The following SMG7 variants were observed in gnomAD, a reference collection of about 807,000 sequenced individuals.
SMG7 encodes the protein nonsense-mediated mRNA decay factor SMG7.
SMG7 carries 34 observed loss-of-function variants against 148.2 expected under a neutral mutation model. That is an observed-to-expected ratio of 0.23 (90% CI 0.17 to 0.31). The LOEUF (loss-of-function observed/expected upper bound fraction) is 0.31. SMG7 is among the 10% of genes least tolerant of loss of function. SMG7 has a pLI of 1.00. For synonymous variants in SMG7, 492 were observed against 515.1 expected, an observed-to-expected ratio of 0.96 and a Z score of 0.61; for missense variants, 1,114 against 1,408.4, an observed-to-expected ratio of 0.79 and a Z score of 3.35.
chr1:183,482,278 A>G (rs1654339436), intron 1 of SMG7, among the ~76,000 whole-genome samples: 1 of 151,742 alleles, frequency 6.6e-6, no homozygotes, highest in African/African-American at 2.4e-5. Flanking sequence ...ATCTTAAGGG[A>G]GCAGTTTATA....
At chr1:183,542,593 C>T (rs981067853) in intron 14 of SMG7, 91 bp downstream of exon 14, 43 of 1,094,246 alleles carry the variant, frequency 3.9e-5, no homozygotes, top group Middle Eastern at 2.0e-4. Context: ...GAGAATTGGC[C>T]GTCCTGGAAG....
chr1:183,517,974 T>C (rs558421133), intron 4 of SMG7, among the ~76,000 whole-genome samples, 154 bp downstream of exon 4: 15 of 152,202 alleles, frequency 9.9e-5, no homozygotes, highest in East Asian at 9.7e-4. Context: ...GGCGACAGAG[T>C]CTGACTTTGT....
At chr1:183,473,206 T>C (rs917142158) in intron 1 of SMG7, among the ~76,000 whole-genome samples, 4 of 151,634 alleles carry the variant, frequency 2.6e-5, no homozygotes, top group Admixed American at 2.0e-4. Context: ...AATAATGTCA[T>C]CTGTAGTTAG....
At chr1:183,551,761 C>T (rs1671098898) in intron 22 of SMG7, 57 bp from the exon 23 acceptor site, 3 of 1,359,312 alleles carry the variant, frequency 2.2e-6, no homozygotes, top group Non-Finnish European at 3.0e-6. Context: ...ATTGAAAAAT[C>T]CCTTTCAGAC....
At chr1:183,534,211 A>G (rs776800412) in intron 10 of SMG7, among the ~76,000 whole-genome samples, 9 of 152,134 alleles carry the variant, frequency 5.9e-5, no homozygotes, top group Non-Finnish European at 8.8e-5. Flanking sequence ...TTTTCTGTAC[A>G]TGAACTGTTT....
At position 183,547,247 on chromosome 1, in the gene SMG7, C is replaced by T; in HGVS notation, c.2887C>T (p.Leu963Phe). The part of the protein sequence containing the change: ...GPLASLPGRS[L>F]FKSLLEKPSE... ...TCTCGCCTCTCTTCCTGGACGAAGC[C>T]TTTTTGTATGTATTTGACATAATTC... is the stretch of plus-strand genomic sequence containing the variant. The change falls in exon 18 of 23, where the codon CTT becomes TTT. Residue 963 changes from leucine to phenylalanine, a missense_variant. This residue lies in a region of SMG7 where 788 missense variants were observed against 894.5 expected (regional missense o/e 0.88). Transcript: ENST00000688051. 1.9e-6 allele frequency: 3 copies of T among 1,549,568 alleles called. No homozygotes were observed. The highest frequency in any genetic ancestry group is 2.7e-5 in the African/African-American group (2 of 73,080).
intron 1 of SMG7, among the ~76,000 whole-genome samples, chr1:183,493,017 A>G (rs1229451080): frequency 2.6e-5 from 4 of 152,064 alleles, no homozygotes; most frequent in Admixed American, 1.3e-4. Context: ...TTGCCTAGGT[A>G]TTGTGCAGTG....
At chr1:183,524,978 A>G (rs931631496) in intron 4 of SMG7, among the ~76,000 whole-genome samples, 4 of 152,126 alleles carry the variant, frequency 2.6e-5, no homozygotes, top group African/African-American at 7.2e-5. Flanking sequence ...TGAAGGAAAC[A>G]TATTTTCTTA....
chr1:183,512,412 C>G (rs977542314), intron 1 of SMG7, among the ~76,000 whole-genome samples: 2 of 152,010 alleles, frequency 1.3e-5, no homozygotes, highest in African/African-American at 4.8e-5. Context: ...GAGGAAGGGA[C>G]ATAGGAATCA....
chr1:183,545,257 C>A lies in SMG7; in HGVS notation c.2315C>A (p.Thr772Lys), dbSNP rs1264075784. The change falls in exon 16 of 23, where the codon ACA (threonine) becomes AAA (lysine). Residue 772 changes from threonine (T) to lysine (K), a missense_variant. Transcript: ENST00000688051. ...QALTQQQQSP[T>K]KAVPALGKSP... ...CTAACTCAGCAACAACAATCCCCTA[C>A]AAAAGCTGTGCCGGCTTTGGGGAAA... 6.2e-7 allele frequency: 1 copy of A among 1,613,684 alleles called. No individual in the cohort carries two copies. Among genetic ancestry groups the A allele is most frequent in the East Asian group, 2.2e-5 (1 of 44,874 alleles).
At chr1:183,535,820 T>C (rs1265752019) in intron 10 of SMG7, among the ~76,000 whole-genome samples, 2 of 152,172 alleles carry the variant, frequency 1.3e-5, no homozygotes, top group Non-Finnish European at 2.9e-5. Context: ...CGAGAGCTTA[T>C]GTGTGTTGCA....
intron 2 of SMG7, among the ~76,000 whole-genome samples, chr1:183,513,743 A>G (rs1388848837): frequency 6.6e-6 from 1 of 151,868 alleles, no homozygotes; most frequent in Non-Finnish European, 1.5e-5. Context: ...GAAAGGAGTA[A>G]ATGAGGCATG....
chr1:183,479,567 G>A (rs369489939), intron 1 of SMG7, among the ~76,000 whole-genome samples: 15 of 152,172 alleles, frequency 9.9e-5, no homozygotes, highest in African/African-American at 3.1e-4. Flanking sequence ...TTTCTTTTAG[G>A]TAGTAATAGG....
intron 14 of SMG7, among the ~76,000 whole-genome samples, chr1:183,542,950 T>TGCGTGTGTGTGTGTGTGTGTGTGTGC (rs1247944648): frequency 6.7e-6 from 1 of 149,170 alleles, no homozygotes; most frequent in South Asian, 2.1e-4. Context: ...TGTGTGTGTG[T>TGCGTGTGTGTGTGTGTGTGTGTGTGC]GTGTGTGTGT....
In SMG7 at chr1:183,552,980, C is replaced by T. The variant is rs1447740962; in HGVS notation, c.*1049C>T. ...TGCAACATCACATCTCCCCAAGAAG[C>T]AACAGCATGGGGTCCAGCAGTTGGG... On this transcript the variant is annotated 3_prime_UTR_variant, in exon 23 of 23. Transcript: ENST00000688051. 1.3e-6 allele frequency: 2 copies of T among 1,536,174 alleles called. No individual in the cohort carries two copies. Among genetic ancestry groups the T allele is most frequent in the Admixed American group, 2.0e-5 (1 of 50,990 alleles).
intron 1 of SMG7, 39 bp downstream of exon 1, chr1:183,472,688 GCC>G (rs1450919348): frequency 4.1e-6 from 6 of 1,453,112 alleles, no homozygotes; most frequent in Non-Finnish European, 5.5e-6. Flanking sequence ...GGGGGAGCGG[GCC>G]GCAGGTTGGG....
intron 2 of SMG7, among the ~76,000 whole-genome samples, chr1:183,513,910 A>G (rs1182914740): frequency 6.6e-6 from 1 of 151,738 alleles, no homozygotes; most frequent in Non-Finnish European, 1.5e-5. Context: ...TGCACCTGCA[A>G]TCCCAGCTAC....
chr1:183,539,372 C>T (rs560565938), intron 12 of SMG7, among the ~76,000 whole-genome samples: 1 of 152,266 alleles, frequency 6.6e-6, no homozygotes, highest in African/African-American at 2.4e-5. Context: ...CCACCCTTAG[C>T]ACTCAGTCTT....
intron 1 of SMG7, among the ~76,000 whole-genome samples, chr1:183,508,661 T>C (rs1317230911): frequency 6.6e-6 from 1 of 152,206 alleles, no homozygotes; most frequent in Non-Finnish European, 1.5e-5. Flanking sequence ...AGATTCCTTT[T>C]CTTGTGAGGC....
Sources: gnomAD v4.1 joint callset for allele counts (sites outside exome capture counted in the v4.1 genomes callset) on GRCh38, gnomAD v4.1.1 for gene constraint, gnomAD v4.1.1 regional missense constraint, MANE v1.5 for transcripts, NCBI Gene and HGNC (gene_info 2026-07-23, HGNC 2026-07-21) for gene names.